The following XRCC4 variants were observed in gnomAD, a reference collection of about 807,000 sequenced individuals.
The protein encoded by XRCC4 is X-ray repair cross complementing 4.
XRCC4 carries 28 observed loss-of-function variants against 39.1 expected under a neutral mutation model. The observed-to-expected ratio is 0.72, with a 90% confidence interval of 0.53 to 0.98. The LOEUF is 0.98. XRCC4 is among the 50% of genes least tolerant of loss of function. The pLI, the probability that XRCC4 is intolerant of heterozygous loss-of-function variation, is 0.00. For missense variants in XRCC4, 350 were observed against 376.4 expected (o/e 0.93, Z 0.58); for synonymous variants, 123 against 126.4 (o/e 0.97, Z 0.18).
intron 6 of XRCC4, among the ~76,000 whole-genome samples, chr5:83,248,871 A>G (rs977883978): frequency 1.3e-5 from 2 of 152,178 alleles, no homozygotes; most frequent in African/African-American, 4.8e-5. Context: ...TTGAAAAATC[A>G]TAAGTAACAT....
At chr5:83,336,914 C>A (rs1170446114) in intron 7 of XRCC4, among the ~76,000 whole-genome samples, 1 of 152,084 alleles carries the variant, frequency 6.6e-6, no homozygotes, top group Non-Finnish European at 1.5e-5. Flanking sequence ...TGAAAATAAA[C>A]AATTGAAGTT....
At chr5:83,204,232 C>T (rs559657337) in intron 5 of XRCC4, among the ~76,000 whole-genome samples, 9 of 152,086 alleles carry the variant, frequency 5.9e-5, no homozygotes, top group East Asian at 1.9e-4. Context: ...CGGCTTTCGA[C>T]GATTATAACT....
chr5:83,367,399 A>G, the XRCC4 span, among the ~76,000 whole-genome samples: 1 of 152,122 alleles, frequency 6.6e-6, no homozygotes, highest in Non-Finnish European at 1.5e-5. Context: ...CTTAGCCTTC[A>G]CCCTATGTGA....
intron 6 of XRCC4, among the ~76,000 whole-genome samples, chr5:83,224,305 T>G (rs1752207736): frequency 6.6e-6 from 1 of 152,042 alleles, no homozygotes; most frequent in African/African-American, 2.4e-5. Context: ...TGTTTTGTGG[T>G]TACCCTAAGG....
intron 6 of XRCC4, among the ~76,000 whole-genome samples, chr5:83,248,203 C>A (rs1372107454): frequency 1.3e-5 from 2 of 152,164 alleles, no homozygotes; most frequent in African/African-American, 4.8e-5. Context: ...TAACAAAATT[C>A]AGTATAATTG....
chr5:83,130,037 T>C (rs1747487949), intron 3 of XRCC4, among the ~76,000 whole-genome samples: 2 of 152,190 alleles, frequency 1.3e-5, no homozygotes, highest in South Asian at 4.1e-4. Flanking sequence ...GGCATCCCTG[T>C]CTTGTGCCAG....
the XRCC4 span, among the ~76,000 whole-genome samples, chr5:83,368,236 G>T: frequency 2.0e-5 from 3 of 152,166 alleles, no homozygotes; most frequent in African/African-American, 7.2e-5. Context: ...CCCTTGGAAA[G>T]CGTCTTTCTC....
chr5:83,364,202 T>C, the XRCC4 span, among the ~76,000 whole-genome samples: 8 of 152,194 alleles, frequency 5.3e-5, no homozygotes, highest in Admixed American at 3.3e-4. Flanking sequence ...AAGAACAAAG[T>C]GGCAGAAATA....
chr5:83,226,335 C>T (rs1197251781), intron 6 of XRCC4, among the ~76,000 whole-genome samples: 1 of 152,004 alleles, frequency 6.6e-6, no homozygotes, highest in African/African-American at 2.4e-5. Context: ...GGTAGACCCT[C>T]GAGTTGTGTT....
At chr5:83,133,622 G>A (rs1747721890) in intron 3 of XRCC4, among the ~76,000 whole-genome samples, 1 of 152,164 alleles carries the variant, frequency 6.6e-6, no homozygotes, top group African/African-American at 2.4e-5. Flanking sequence ...CTGCCCCCTT[G>A]CAGTTTGATC....
intron 6 of XRCC4, among the ~76,000 whole-genome samples, chr5:83,212,056 C>T (rs1436773039): frequency 6.6e-6 from 1 of 151,848 alleles, no homozygotes; most frequent in Non-Finnish European, 1.5e-5. Flanking sequence ...CAGTTTATAT[C>T]TATATCTGTA....
chr5:83,143,017 G>A (rs1391373205), intron 3 of XRCC4, among the ~76,000 whole-genome samples: 1 of 152,014 alleles, frequency 6.6e-6, no homozygotes, highest in Non-Finnish European at 1.5e-5. Context: ...TTTACACTTG[G>A]TAACACTTAA....
At chr5:83,306,170 GT>G (rs144493286) in intron 7 of XRCC4, among the ~76,000 whole-genome samples, 2,009 of 152,216 alleles carry the variant, frequency 0.013, 36 homozygotes, top group African/African-American at 0.042. Flanking sequence ...TCATCAAGTA[GT>G]TATGATACCT....
intron 3 of XRCC4, among the ~76,000 whole-genome samples, chr5:83,185,438 AT>A (rs1750395971): frequency 6.7e-6 from 1 of 150,186 alleles, no homozygotes; most frequent in Non-Finnish European, 1.5e-5. Context: ...ATATATATAT[AT>A]AAAACTTAAT....
intron 7 of XRCC4, among the ~76,000 whole-genome samples, chr5:83,320,830 G>C (rs1199666464): frequency 2.7e-5 from 1 of 36,464 alleles, no homozygotes; most frequent in Non-Finnish European, 5.5e-5. Flanking sequence ...TTTTTTTTTT[G>C]AGACAGAGTC....
At chr5:83,298,277 T>C (rs1451896182) in intron 7 of XRCC4, among the ~76,000 whole-genome samples, 10 of 151,912 alleles carry the variant, frequency 6.6e-5, no homozygotes, top group Admixed American at 5.2e-4. Context: ...TATATATATG[T>C]ATTTTTTTCA....
At chr5:83,166,725 C>T (rs1749495578) in intron 3 of XRCC4, among the ~76,000 whole-genome samples, 1 of 151,554 alleles carries the variant, frequency 6.6e-6, no homozygotes, top group Non-Finnish European at 1.5e-5. Flanking sequence ...GATCTGCCTG[C>T]CTCGGCCTGC....
At chr5:83,327,510 C>CT (rs1756302312) in intron 7 of XRCC4, among the ~76,000 whole-genome samples, 1 of 151,922 alleles carries the variant, frequency 6.6e-6, no homozygotes, top group African/African-American at 2.4e-5. Flanking sequence ...TATTCTTATA[C>CT]AAAAAGGTAA....
intron 1 of XRCC4, among the ~76,000 whole-genome samples, chr5:83,080,246 G>T (rs1016006174): frequency 6.6e-6 from 1 of 152,176 alleles, no homozygotes; most frequent in African/African-American, 2.4e-5. Flanking sequence ...GAAAATTCCA[G>T]CCGGGTGCGG....
Sources: gnomAD v4.1 joint callset for allele counts (sites outside exome capture counted in the v4.1 genomes callset) on GRCh38, gnomAD v4.1.1 for gene constraint, MANE v1.5 for transcripts, NCBI Gene and HGNC (gene_info 2026-07-23, HGNC 2026-07-21) for gene names.